The following GNG2 variants were observed in gnomAD, a reference collection of about 807,000 sequenced individuals.
GNG2 encodes the protein G protein subunit gamma 2.
In GNG2, 5 loss-of-function variants were observed where a neutral mutation model predicts 5.5. The observed-to-expected ratio is 0.91, with a 90% confidence interval of 0.48 to 1.92. The LOEUF (loss-of-function observed/expected upper bound fraction) is 1.92, where lower values mean the gene tolerates loss of function less well. GNG2 is among the 30% of genes most tolerant of loss of function. GNG2 has a pLI of 0.01. For synonymous variants in GNG2, 28 were observed against 32.0 expected (o/e 0.88, Z 0.42); for missense variants, 55 against 88.4 (o/e 0.62, Z 1.52).
intron 3 of GNG2, among the ~76,000 whole-genome samples, chr14:51,956,572 C>T (rs542717937): frequency 1.3e-5 from 2 of 152,250 alleles, no homozygotes; most frequent in East Asian, 1.9e-4. Flanking sequence ...TTTTTCTATA[C>T]ACACTTCCCA....
At chr14:51,961,354 A>C (rs1235310018) in intron 3 of GNG2, among the ~76,000 whole-genome samples, 1 of 152,182 alleles carries the variant, frequency 6.6e-6, no homozygotes, top group Non-Finnish European at 1.5e-5. Context: ...TTTGATGCTC[A>C]GTAAATATTC....
intron 2 of GNG2, among the ~76,000 whole-genome samples, chr14:51,848,637 A>G (rs574675364): frequency 4.6e-5 from 7 of 152,174 alleles, no homozygotes; most frequent in Non-Finnish European, 1.0e-4. Flanking sequence ...GCCTGGGTAT[A>G]TTAGGAAATA....
chr14:51,919,418 T>A (rs892859167), intron 2 of GNG2, among the ~76,000 whole-genome samples: 2 of 152,232 alleles, frequency 1.3e-5, no homozygotes, highest in African/African-American at 4.8e-5. Context: ...ACATATAAAT[T>A]TTGCACATGC....
At chr14:51,902,263 T>C (rs573409671) in intron 2 of GNG2, among the ~76,000 whole-genome samples, 4 of 152,348 alleles carry the variant, frequency 2.6e-5, no homozygotes, top group East Asian at 3.9e-4. Flanking sequence ...TGGGAAGATA[T>C]TGAAAATATA....
rs572419580 is a variant in GNG2, at chr14:51,930,106, A to C, written c.-29-20544A>C. Among the ~76,000 whole-genome samples, 55 of 152,338 alleles carry C rather than the reference A, an allele frequency of 3.6e-4. No individual in the cohort carries two copies. In the South Asian group the frequency reaches 0.011, roughly 32 times the overall value. On this transcript the variant is annotated intron_variant, in intron 2 of 3. Transcript: ENST00000556766. ...TGAATAACTCTCAGCCAAGCAAACGATGCCCTAAGCAGGCATGAGCTGGTC... is the reference window on the plus strand; with the variant it reads ...TGAATAACTCTCAGCCAAGCAAACGCTGCCCTAAGCAGGCATGAGCTGGTC...
intron 2 of GNG2, among the ~76,000 whole-genome samples, chr14:51,914,454 T>C (rs1886486966): frequency 1.3e-5 from 2 of 152,220 alleles, no homozygotes; most frequent in African/African-American, 4.8e-5. Flanking sequence ...GAATGCTGTT[T>C]TGGCACGAGG....
At position 51,916,563 on chromosome 14, in the gene GNG2, C is replaced by T. The variant is rs17124735; in HGVS notation, c.-29-34087C>T. The T allele has an allele frequency of 6.5e-3, 2,856 of 440,350 alleles. 75 individuals are homozygous for T. The highest frequency in any genetic ancestry group is 0.054 in the African/African-American group (2,661 of 48,930). The allele number at this position is 440,350 out of a possible 1,614,324, so 27.3% of individuals were successfully genotyped here. On this transcript the variant is annotated intron_variant, in intron 2 of 3. Transcript: ENST00000556766. ...CAATTAAACTTCTCTCCTGGGACAG[C>T]GGATTTGCAGCTGGCGCAGCTTCAA...
chr14:51,830,519 T>C (rs1881152084), intron 2 of GNG2, among the ~76,000 whole-genome samples: 1 of 152,228 alleles, frequency 6.6e-6, no homozygotes, highest in African/African-American at 2.4e-5. Flanking sequence ...AATCTGCTTC[T>C]CCTGCATGTC....
chr14:51,873,693 T>G (rs1469908709), intron 1 of GNG2, among the ~76,000 whole-genome samples: 1 of 152,232 alleles, frequency 6.6e-6, no homozygotes, highest in Non-Finnish European at 1.5e-5. Context: ...GTGGAGTGTC[T>G]TGTGTGCCTA....
At chr14:51,841,697 A>AT in intron 2 of GNG2, 1 of 599,438 alleles carries the variant, frequency 1.7e-6, no homozygotes, top group Non-Finnish European at 3.0e-6. Context: ...GAGAAAAATC[A>AT]CTTTGTAGGA....
intron 2 of GNG2, among the ~76,000 whole-genome samples, chr14:51,949,335 CTT>C (rs1222917355): frequency 1.3e-5 from 2 of 151,936 alleles, no homozygotes; most frequent in Non-Finnish European, 2.9e-5. Flanking sequence ...AATTTATAGA[CTT>C]TTGCTTTTTG....
At chr14:51,834,276 G>A (rs1881276108) in intron 2 of GNG2, among the ~76,000 whole-genome samples, 1 of 152,218 alleles carries the variant, frequency 6.6e-6, no homozygotes, top group South Asian at 2.1e-4. Flanking sequence ...AGTTCCCCCA[G>A]AACGCCCCAA....
In GNG2 at chr14:51,895,503, G is replaced by A. The variant is rs577514339; in HGVS notation, c.-30+17846G>A. ...TTACTTATAACATTTTCAAACTTCA[G>A]TGAGGAAGAAATCCTAAACATCTGG... On this transcript the variant is annotated intron_variant, in intron 2 of 3. Transcript: ENST00000556766. 2.6e-5 allele frequency among the ~76,000 whole-genome samples: 4 copies of A among 152,310 alleles called. No homozygotes were observed. The East Asian group carries it at 5.8e-4, about 22-fold the overall frequency.
chr14:51,829,845 CTT>C (rs35713457), intron 2 of GNG2, among the ~76,000 whole-genome samples: 218 of 137,852 alleles, frequency 1.6e-3, no homozygotes, highest in Middle Eastern at 3.7e-3. Flanking sequence ...CCTACTTCTT[CTT>C]TTTTTTTTTT....
intron 2 of GNG2, among the ~76,000 whole-genome samples, chr14:51,838,685 T>C (rs1391772009): frequency 6.6e-6 from 1 of 152,226 alleles, no homozygotes; most frequent in African/African-American, 2.4e-5. Flanking sequence ...CGTTTATATA[T>C]ACATCTATCG....
intron 2 of GNG2, among the ~76,000 whole-genome samples, chr14:51,936,248 C>A (rs911622135): frequency 2.6e-5 from 4 of 152,140 alleles, no homozygotes; most frequent in African/African-American, 9.7e-5. Context: ...ACTTCTGGGT[C>A]CTGCTAAACA....
chr14:51,853,158 T>C (rs1881989948), intron 2 of GNG2, among the ~76,000 whole-genome samples: 1 of 152,226 alleles, frequency 6.6e-6, no homozygotes, highest in Non-Finnish European at 1.5e-5. Flanking sequence ...TCAGTAGTGG[T>C]CATAACTTTC....
chr14:51,848,895 G>A (rs1379479937), intron 2 of GNG2, among the ~76,000 whole-genome samples: 2 of 152,178 alleles, frequency 1.3e-5, no homozygotes, highest in Admixed American at 1.3e-4. Context: ...CTACCCGCTG[G>A]TCTAACACAG....
rs77992926 is a variant in GNG2, at chr14:51,876,360, C to T, written c.-70-1257C>T. On this transcript the variant is annotated intron_variant, in intron 1 of 3. Transcript: ENST00000556766. ...AACACCTTGATAATTCTTCTTTGTC[C>T]ACATTGTGGGTTTGTTTTGGTTAAA... Among the ~76,000 whole-genome samples, 25 of 152,154 alleles carry T rather than the reference C, an allele frequency of 1.6e-4. No homozygotes were observed. In the East Asian group the frequency reaches 4.8e-3, roughly 29 times the overall value.
Sources: allele counts gnomAD v4.1 joint callset (sites outside exome capture counted in the v4.1 genomes callset), GRCh38; gene constraint gnomAD v4.1.1; transcripts MANE v1.5; gene names NCBI Gene and HGNC (gene_info 2026-07-23, HGNC 2026-07-21).